The following SPMIP6 variants were observed in gnomAD, a reference collection of about 807,000 sequenced individuals.
SPMIP6 encodes sperm microtubule inner protein 6.
At chr9:34,380,416 C>T in the SPMIP6 span, among the ~76,000 whole-genome samples, 1 of 152,306 alleles carries the variant, frequency 6.6e-6, no homozygotes, top group South Asian at 2.1e-4. Flanking sequence ...ACGTAGCCCC[C>T]AGGAATGACC....
the SPMIP6 span, chr9:34,382,876 A>T: frequency 6.4e-7 from 1 of 1,567,626 alleles, no homozygotes; most frequent in Non-Finnish European, 8.8e-7. Context: ...TCTGCTGGAT[A>T]ATAGGGGTGG....
the SPMIP6 span, among the ~76,000 whole-genome samples, chr9:34,388,172 C>T: frequency 6.7e-6 from 1 of 148,294 alleles, no homozygotes; most frequent in Non-Finnish European, 1.5e-5. Flanking sequence ...TGGAGTTTCG[C>T]TCTTCTCACC....
chr9:34,388,510 C>T, the SPMIP6 span, among the ~76,000 whole-genome samples: 1 of 152,158 alleles, frequency 6.6e-6, no homozygotes, highest in Non-Finnish European at 1.5e-5. Flanking sequence ...CTGTCCCATC[C>T]TCAGTTCCAG....
the SPMIP6 span, among the ~76,000 whole-genome samples, chr9:34,397,041 C>T: frequency 6.6e-6 from 1 of 152,206 alleles, no homozygotes; most frequent in African/African-American, 2.4e-5. Flanking sequence ...CAGTTTCCGG[C>T]CTATTCCACA....
the SPMIP6 span, among the ~76,000 whole-genome samples, chr9:34,396,880 G>C: frequency 1.3e-5 from 2 of 152,208 alleles, no homozygotes; most frequent in Non-Finnish European, 2.9e-5. Flanking sequence ...TACAGATGAA[G>C]ATACTCAGCA....
the SPMIP6 span, among the ~76,000 whole-genome samples, chr9:34,397,316 C>T: frequency 6.6e-6 from 1 of 152,280 alleles, no homozygotes; most frequent in South Asian, 2.1e-4. Flanking sequence ...ACCTCCTACC[C>T]TAATGTAATT....
At chr9:34,397,416 C>G in the SPMIP6 span, 1 of 1,446,220 alleles carries the variant, frequency 6.9e-7, no homozygotes. Flanking sequence ...CACAAAGCTA[C>G]AAATCATTAC....
At chr9:34,380,767 G>A in the SPMIP6 span, 1 of 1,547,874 alleles carries the variant, frequency 6.5e-7, no homozygotes, top group South Asian at 1.2e-5. Context: ...AGGGCCTCGA[G>A]AGCGTGCAGC....
the SPMIP6 span, chr9:34,382,556 G>C: frequency 5.2e-6 from 3 of 572,298 alleles, no homozygotes; most frequent in Non-Finnish European, 9.5e-6. Flanking sequence ...CTGCGCTCCA[G>C]CCTGGGTGAT....
At chr9:34,392,442 CGTGTGTGTGTGT>C in the SPMIP6 span, among the ~76,000 whole-genome samples, 397 of 148,226 alleles carry the variant, frequency 2.7e-3, 3 homozygotes, top group African/African-American at 9.0e-3. The surrounding 1 kb of genome is among the most constrained non-coding windows in gnomAD (Gnocchi z 4.6). Flanking sequence ...ATCTAAAAAC[CGTGTGTGTGTGT>C]GTGTGTGTGT....
At chr9:34,396,619 C>T in the SPMIP6 span, among the ~76,000 whole-genome samples, 1 of 152,184 alleles carries the variant, frequency 6.6e-6, no homozygotes, top group Non-Finnish European at 1.5e-5. Context: ...CTCTCCTGCT[C>T]TAACAGTTTC....
chr9:34,381,638 G>A, the SPMIP6 span: 9 of 1,431,076 alleles, frequency 6.3e-6, no homozygotes, highest in South Asian at 8.7e-5. This position sits in a 1 kb window ranked among gnomAD's most constrained non-coding sequence, Gnocchi z 4.4. Flanking sequence ...GGGGCGGGGT[G>A]GGGTAGGAAG....
At chr9:34,379,827 C>T in the SPMIP6 span, 173 of 931,144 alleles carry the variant, frequency 1.9e-4, no homozygotes, top group Non-Finnish European at 2.8e-4. This position sits in a 1 kb window ranked among gnomAD's most constrained non-coding sequence, Gnocchi z 4.2. Flanking sequence ...CTTCAGGTGT[C>T]CGTCCCAAGG....
the SPMIP6 span, among the ~76,000 whole-genome samples, chr9:34,382,049 G>A: frequency 6.6e-6 from 1 of 152,194 alleles, no homozygotes; most frequent in Non-Finnish European, 1.5e-5. Context: ...AGGAGGAGAA[G>A]GTGGAGCAGG....
chr9:34,397,617 C>T, the SPMIP6 span: 7 of 1,606,816 alleles, frequency 4.4e-6, no homozygotes, highest in African/African-American at 1.3e-5. Flanking sequence ...CCTGGTCTTA[C>T]GGGAGAACAG....
chr9:34,379,563 G>A, the SPMIP6 span: 4 of 1,241,206 alleles, frequency 3.2e-6, no homozygotes, highest in South Asian at 3.6e-5. The surrounding 1 kb of genome is among the most constrained non-coding windows in gnomAD (Gnocchi z 4.2). Context: ...TTCTCATCCC[G>A]TCTACCAGAC....
the SPMIP6 span, among the ~76,000 whole-genome samples, chr9:34,391,356 T>C: frequency 6.6e-6 from 1 of 152,190 alleles, no homozygotes; most frequent in African/African-American, 2.4e-5. Flanking sequence ...GAAACAACTT[T>C]TGCCTGTTCA....
the SPMIP6 span, among the ~76,000 whole-genome samples, chr9:34,384,726 C>T: frequency 3.9e-5 from 6 of 152,134 alleles, no homozygotes; most frequent in East Asian, 1.9e-4. Flanking sequence ...AGACCAGACT[C>T]GGCTCTTTTC....
chr9:34,391,842 T>C, the SPMIP6 span, among the ~76,000 whole-genome samples: 6 of 152,166 alleles, frequency 3.9e-5, no homozygotes, highest in Non-Finnish European at 8.8e-5. Flanking sequence ...GGTTCAGGGC[T>C]TTATTTATGT....
Sources: gnomAD v4.1 joint callset for allele counts (sites outside exome capture counted in the v4.1 genomes callset) on GRCh38, gnomAD v4.1.1 for gene constraint, Gnocchi (gnomAD v3.1) non-coding constraint, MANE v1.5 for transcripts, NCBI Gene and HGNC (gene_info 2026-07-23, HGNC 2026-07-21) for gene names.